RAF1: variants seen among roughly 807,000 people sequenced by gnomAD.
RAF1 encodes Raf-1 proto-oncogene, serine/threonine kinase, also known as RAF proto-oncogene serine/threonine-protein kinase.
RAF1 carries 27 observed loss-of-function variants against 81.1 expected under a neutral mutation model. That is an observed-to-expected ratio of 0.33 (90% confidence interval 0.25 to 0.46). RAF1 has a LOEUF of 0.46. Among genes scored for constraint, RAF1 ranks in the 20% least tolerant of loss-of-function variants. The pLI is 1.00. For missense variants in RAF1, 598 were observed against 826.0 expected (o/e 0.72, Z 3.38); for synonymous variants, 298 against 294.0 (o/e 1.01, Z -0.14).
intron 11 of RAF1, among the ~76,000 whole-genome samples, chr3:12,598,736 A>C (rs1459309561): frequency 2.0e-5 from 3 of 147,854 alleles, no homozygotes; most frequent in South Asian, 2.1e-4. Flanking sequence ...AAAAAAAAAA[A>C]AAAAAAAAAA....
chr3:12,633,452 C>T (rs2059920843), intron 1 of RAF1, among the ~76,000 whole-genome samples: 1 of 148,574 alleles, frequency 6.7e-6, no homozygotes, highest in South Asian at 2.1e-4. Context: ...CACCACACTC[C>T]AGCTTGGGCA....
chr3:12,600,711 A>G (rs1389708956), intron 8 of RAF1, among the ~76,000 whole-genome samples: 1 of 152,114 alleles, frequency 6.6e-6, no homozygotes, highest in East Asian at 1.9e-4. Context: ...ACAGGTGTGC[A>G]CCAGCACGCC....
chr3:12,653,950 G>A lies in RAF1; in HGVS notation c.-27+9863C>T, dbSNP rs542544151. The stretch of plus-strand genomic sequence containing the variant: ...AGATGCAGGTCAGGTCAGCAGCTGC[G>A]ACTGCCGGCCATTTCAGACAGACTA... On this transcript the variant is annotated intron_variant, in intron 1 of 17. Transcript: ENST00000442415. Among the ~76,000 whole-genome samples, 38 of 151,750 alleles carry A rather than the reference G, an allele frequency of 2.5e-4. No homozygotes were observed. In the South Asian group the frequency reaches 5.8e-3, roughly 23 times the overall value.
rs2125314856 is a variant in RAF1, at chr3:12,584,429, C to G, written c.*85G>C. On this transcript the variant is annotated 3_prime_UTR_variant, in exon 18 of 18. Transcript: ENST00000442415. Reference sequence around the variant, plus strand: ...AGCAGCTTCTCTGAAAACATGTGTTCTGCCTCTGGAGAAAGGGAGCAGAAA... The same window carrying G: ...AGCAGCTTCTCTGAAAACATGTGTTGTGCCTCTGGAGAAAGGGAGCAGAAA... 6.4e-7 allele frequency: 1 copy of G among 1,558,582 alleles called. No individual in the cohort carries two copies. The highest frequency in any genetic ancestry group is 8.8e-7 in the Non-Finnish European group (1 of 1,132,836).
intron 15 of RAF1, 78 bp from the exon 15 acceptor site, chr3:12,585,331 C>T (rs2125324021): frequency 6.3e-7 from 1 of 1,598,662 alleles, no homozygotes; most frequent in Non-Finnish European, 8.5e-7. Context: ...GCCAGGCTGT[C>T]CCTTTCATTA....
chr3:12,632,973 T>G (rs1468234504), intron 1 of RAF1, among the ~76,000 whole-genome samples: 1 of 152,198 alleles, frequency 6.6e-6, no homozygotes, highest in Non-Finnish European at 1.5e-5. Context: ...ACTGAATCCT[T>G]GACTGCAGAA....
At chr3:12,654,377 G>T (rs2060622108) in intron 1 of RAF1, among the ~76,000 whole-genome samples, 1 of 152,096 alleles carries the variant, frequency 6.6e-6, no homozygotes, top group Admixed American at 6.5e-5. Context: ...CAAGGCGGGA[G>T]AATCACTTGA....
At chr3:12,587,854 T>TTTTTTTTG in intron 13 of RAF1, 1 of 432,452 alleles carries the variant, frequency 2.3e-6, no homozygotes. Flanking sequence ...TTTTTTTTTT[T>TTTTTTTTG]GGAGACTGGA....
intron 12 of RAF1, 49 bp from the exon 12 acceptor site, chr3:12,591,023 G>C (rs1437423923): frequency 6.6e-7 from 1 of 1,519,470 alleles, no homozygotes; most frequent in Non-Finnish European, 9.0e-7. Flanking sequence ...AGTGCTCAGG[G>C]AGGTCTACTG....
chr3:12,637,756 G>C (rs1033287998), intron 1 of RAF1, among the ~76,000 whole-genome samples: 1 of 151,900 alleles, frequency 6.6e-6, no homozygotes, highest in African/African-American at 2.4e-5. Context: ...GGAAGGCTGA[G>C]GCAGGAAAAG....
At chr3:12,613,350 C>G (rs550922111) in intron 2 of RAF1, among the ~76,000 whole-genome samples, 1 of 152,108 alleles carries the variant, frequency 6.6e-6, no homozygotes, top group African/African-American at 2.4e-5. Context: ...GAACTGCCTA[C>G]CAGGTTCCTC....
chr3:12,610,343 C>T (rs1378803585), intron 3 of RAF1, among the ~76,000 whole-genome samples: 1 of 152,206 alleles, frequency 6.6e-6, no homozygotes, highest in African/African-American at 2.4e-5. Flanking sequence ...ACCTGGAAAA[C>T]TTCCTATAAC....
At chr3:12,627,600 T>C (rs2059742615) in intron 1 of RAF1, among the ~76,000 whole-genome samples, 2 of 152,340 alleles carry the variant, frequency 1.3e-5, no homozygotes, top group South Asian at 4.1e-4. Context: ...TCTCTACAAC[T>C]ATTTTTTCTG....
Position 12,637,514 on chromosome 3 carries a change from CTCCA to C in RAF1, c.-26-18771_-26-18768del, listed in dbSNP as rs2060065657. Among the ~76,000 whole-genome samples, 3 of 152,070 alleles carry C rather than the reference CTCCA, an allele frequency of 2.0e-5. No individual in the cohort carries two copies. In the South Asian group the frequency reaches 6.2e-4, roughly 32 times the overall value. The stretch of plus-strand genomic sequence containing the variant: ...TCCTGACCTCAGGTGATCCACCCGC[CTCCA>C]TCTCTATTAACATTTGAAAGCAATC... On this transcript the variant is annotated intron_variant, in intron 1 of 17. Transcript: ENST00000442415.
chr3:12,647,693 A>G (rs1431321929), intron 1 of RAF1, among the ~76,000 whole-genome samples: 1 of 152,242 alleles, frequency 6.6e-6, no homozygotes, highest in Non-Finnish European at 1.5e-5. Context: ...CTGCTGAGCA[A>G]ATATGCTCAA....
At chr3:12,654,542 C>T (rs1038455996) in intron 1 of RAF1, among the ~76,000 whole-genome samples, 11 of 151,326 alleles carry the variant, frequency 7.3e-5, no homozygotes, top group African/African-American at 2.4e-4. Context: ...GTCAAGGCTA[C>T]GGTGAGTGGA....
chr3:12,592,516 A>C (rs1428785259), intron 11 of RAF1, among the ~76,000 whole-genome samples: 1 of 152,198 alleles, frequency 6.6e-6, no homozygotes, highest in African/African-American at 2.4e-5. Context: ...CTTCACAGAC[A>C]ACAAGCTGAG....
intron 8 of RAF1, among the ~76,000 whole-genome samples, chr3:12,602,526 A>G (rs1340929845): frequency 6.6e-6 from 1 of 150,872 alleles, no homozygotes; most frequent in Admixed American, 6.6e-5. Flanking sequence ...TAATTTTTAC[A>G]TTTTTTTTTG....
At chr3:12,637,399 G>C (rs1175998221) in intron 1 of RAF1, among the ~76,000 whole-genome samples, 1 of 151,754 alleles carries the variant, frequency 6.6e-6, no homozygotes, top group Non-Finnish European at 1.5e-5. Flanking sequence ...CCCAGTAGCG[G>C]GGACTACAGC....
Sources: gnomAD v4.1 joint callset for allele counts (sites outside exome capture counted in the v4.1 genomes callset) on GRCh38, gnomAD v4.1.1 for gene constraint, MANE v1.5 for transcripts, NCBI Gene and HGNC (gene_info 2026-07-23, HGNC 2026-07-21) for gene names.